ALG8: variants seen among roughly 807,000 people sequenced by gnomAD.
The protein encoded by ALG8 is dolichyl pyrophosphate Glc1Man9GlcNAc2 alpha-1,3-glucosyltransferase.
A neutral mutation model predicts 70.2 loss-of-function variants in ALG8; 48 were observed. The observed-to-expected ratio is 0.68, with a 90% CI of 0.54 to 0.87. The LOEUF (loss-of-function observed/expected upper bound fraction) is 0.87. ALG8 is among the 40% of genes least tolerant of loss of function. ALG8 has a pLI of 0.00. For synonymous variants in ALG8, 234 were observed against 229.0 expected (o/e 1.02, Z -0.20); for missense variants, 572 against 608.7 (o/e 0.94, Z 0.64).
chr11:78,106,195 T>A (rs993099967), intron 10 of ALG8, among the ~76,000 whole-genome samples: 2 of 150,738 alleles, frequency 1.3e-5, no homozygotes, highest in Admixed American at 1.3e-4. Context: ...AAAGCCCAAG[T>A]TTTTTCTTTT....
rs767311729 is a variant in ALG8, at chr11:78,109,519, C to A, written c.961G>T (p.Val321Phe). The A allele has an allele frequency of 6.2e-7, 1 of 1,614,140 alleles. No homozygotes were observed. Among genetic ancestry groups the A allele is most frequent in the Non-Finnish European group, 8.5e-7 (1 of 1,180,002 alleles). ...AGGACTGTGTGTTGGAACTGCTGAA[C>A]CAAACCACTTGTCATTGAGGCCTTG... is the stretch of plus-strand genomic sequence containing the variant. ...IPKASMTSGLVQQFQHTVLPS... is the reference protein window; with the variant it reads ...IPKASMTSGLFQQFQHTVLPS... Residue 321 changes from valine to phenylalanine, a missense_variant, in exon 9 of 13, where the codon GTT (valine) becomes TTT (phenylalanine). Val to Phe is a conservative substitution (Grantham distance 50, BLOSUM62 -1). Coordinates refer to ENST00000299626, the MANE Select transcript of ALG8 (RefSeq NM_024079.5).
intron 10 of ALG8, 133 bp from the exon 11 acceptor site, chr11:78,104,586 T>C: frequency 1.3e-6 from 1 of 783,530 alleles, no homozygotes; most frequent in Non-Finnish European, 2.0e-6. Context: ...ACAAGTTCAA[T>C]TTAGTTGAGA....
chr11:78,113,174 G>A (rs967592631), intron 7 of ALG8, among the ~76,000 whole-genome samples: 11 of 152,142 alleles, frequency 7.2e-5, no homozygotes, highest in Admixed American at 1.3e-4. Flanking sequence ...GGGAAGAAGA[G>A]GAAGAAAGAA....
At chr11:78,136,639 T>C (rs1861565989) in intron 1 of ALG8, among the ~76,000 whole-genome samples, 1 of 152,226 alleles carries the variant, frequency 6.6e-6, no homozygotes, top group Non-Finnish European at 1.5e-5. Flanking sequence ...TGTTGTTCCA[T>C]TTATAGATCA....
intron 1 of ALG8, 101 bp from the exon 2 acceptor site, chr11:78,127,537 G>A: frequency 9.9e-7 from 1 of 1,008,418 alleles, no homozygotes; most frequent in Non-Finnish European, 1.5e-6. Flanking sequence ...TCCCTAAGCT[G>A]TCACAGCTCA....
chr11:78,121,268 T>C, intron 3 of ALG8, 94 bp from the exon 4 acceptor site: 1 of 898,258 alleles, frequency 1.1e-6, no homozygotes, highest in Non-Finnish European at 1.8e-6. Flanking sequence ...TAGTCATTCC[T>C]GACAAACTAC....
chr11:78,109,632 T>C (rs1860194601), intron 8 of ALG8, 51 bp from the exon 9 acceptor site: 3 of 1,494,200 alleles, frequency 2.0e-6, no homozygotes, highest in Non-Finnish European at 1.9e-6. Flanking sequence ...ATTACTGAGA[T>C]ACCATATATT....
intron 4 of ALG8, 116 bp from the exon 5 acceptor site, chr11:78,119,365 C>A (rs1345310681): frequency 1.4e-6 from 1 of 737,728 alleles, no homozygotes; most frequent in African/African-American, 1.8e-5. Flanking sequence ...ACAAAAAATA[C>A]TACTACTAAT....
intron 1 of ALG8, among the ~76,000 whole-genome samples, 184 bp from the exon 2 acceptor site, chr11:78,127,620 A>G (rs1590835515): frequency 6.6e-6 from 1 of 152,142 alleles, no homozygotes; most frequent in African/African-American, 2.4e-5. Context: ...CAGATCTTCT[A>G]GAAAGTTGTT....
intron 4 of ALG8, among the ~76,000 whole-genome samples, chr11:78,119,664 C>T (rs568372257): frequency 6.6e-6 from 1 of 152,168 alleles, no homozygotes; most frequent in East Asian, 1.9e-4. Context: ...CTCCTGACCT[C>T]GTGATTCCCC....
chr11:78,128,816 G>T (rs1176542677), intron 1 of ALG8, among the ~76,000 whole-genome samples: 2 of 151,158 alleles, frequency 1.3e-5, no homozygotes, highest in African/African-American at 4.9e-5. Flanking sequence ...GGGTTTTACT[G>T]TGTTGGCCAG....
intron 3 of ALG8, among the ~76,000 whole-genome samples, chr11:78,123,517 G>A (rs1002223386): frequency 1.3e-5 from 2 of 152,082 alleles, no homozygotes; most frequent in African/African-American, 4.8e-5. Flanking sequence ...GAGTCTTCAT[G>A]AAGGAAAGTA....
In ALG8 at chr11:78,127,410, C is replaced by T. The variant is rs398124391; in HGVS notation, c.122G>A (p.Arg41Gln). The T allele has an allele frequency of 3.6e-5, 58 of 1,613,450 alleles. No homozygotes were observed. The highest frequency in any genetic ancestry group is 4.2e-5 in the Non-Finnish European group (49 of 1,179,868). Residue 41 changes from arginine to glutamine, a missense_variant, in exon 2 of 13, where the codon CGA (arginine) becomes CAA (glutamine). Transcript: ENST00000299626. The stretch of plus-strand genomic sequence containing the variant: ...ACTGTGAGTGATAGCAAGCCAGTTT[C>T]GGTGTACTTCAAAATCTGTGGAATG... ...TYHSTDFEVH[R>Q]NWLAITHSLP...
chr11:78,120,701 C>T (rs756851450), intron 4 of ALG8, among the ~76,000 whole-genome samples: 3 of 152,192 alleles, frequency 2.0e-5, no homozygotes, highest in Non-Finnish European at 4.4e-5. Flanking sequence ...AAATGCCTGA[C>T]CATTCCCACA....
At chr11:78,137,248 T>C (rs1490382130) in intron 1 of ALG8, 1 of 152,274 alleles carries the variant, frequency 6.6e-6, no homozygotes, top group East Asian at 1.9e-4. Context: ...TCACCTCTCT[T>C]AGGCTTCAAA....
chr11:78,102,830 A>C (rs964199665), intron 12 of ALG8: 3 of 152,942 alleles, frequency 2.0e-5, no homozygotes, highest in African/African-American at 7.3e-5. Context: ...GCATGCTTGT[A>C]ATCCTAGCTG....
intron 1 of ALG8, among the ~76,000 whole-genome samples, chr11:78,128,469 CT>C (rs1456274738): frequency 6.6e-6 from 1 of 152,146 alleles, no homozygotes; most frequent in Non-Finnish European, 1.5e-5. Flanking sequence ...ATGGCTTTCC[CT>C]TCCTATATTC....
At position 78,121,108 on chromosome 11, in the gene ALG8, C is replaced by T. The variant is rs113030322; in HGVS notation, c.435G>A (p.Leu145=). The T allele has an allele frequency of 1.2e-5, 19 of 1,613,968 alleles. No individual in the cohort carries two copies. The African/African-American group carries it at 1.2e-4, about 10-fold the overall frequency. Reference sequence around the variant, plus strand: ...CGAAGTTCCACAGAAGTAATACCGACAGAATAAATTTTGGCTTTTCTGTAA... The same window carrying T: ...CGAAGTTCCACAGAAGTAATACCGATAGAATAAATTTTGGCTTTTCTGTAA... ...KELTEKPKFI[L]SVLLLWNFGL... is the part of the protein sequence containing the mutation. Residue 145 remains leucine, a synonymous_variant, in exon 4 of 13, where the codon CTG becomes CTA. Transcript: ENST00000299626.
chr11:78,127,120 A>G lies in ALG8; in HGVS notation c.174+238T>C, dbSNP rs188432893. Among the ~76,000 whole-genome samples the G allele has an allele frequency of 0.021, 3,209 of 152,010 alleles. 114 individuals are homozygous for G. The highest frequency in any genetic ancestry group is 0.074 in the African/African-American group (3,062 of 41,434). On this transcript the variant is annotated intron_variant, in intron 2 of 12. Transcript: ENST00000299626. ...TCAGCTCCTGAGTAGCTGGGATTACAGGTGCCCACCACCACACCCAGCTAA... is the reference window on the plus strand; with the variant it reads ...TCAGCTCCTGAGTAGCTGGGATTACGGGTGCCCACCACCACACCCAGCTAA...
Sources: allele counts gnomAD v4.1 joint callset (sites outside exome capture counted in the v4.1 genomes callset), GRCh38; gene constraint gnomAD v4.1.1; transcripts MANE v1.5; gene names NCBI Gene and HGNC (gene_info 2026-07-23, HGNC 2026-07-21).